EEFSEC: variants seen among roughly 807,000 people sequenced by gnomAD.
The protein encoded by EEFSEC is selenocysteine-specific elongation factor.
A neutral mutation model predicts 42.1 loss-of-function variants in EEFSEC; 43 were observed. The observed-to-expected ratio is 1.02, with a 90% CI of 0.80 to 1.32. The LOEUF (loss-of-function observed/expected upper bound fraction) is 1.32. Among genes scored for constraint, EEFSEC ranks in the 40% most tolerant of loss-of-function variants. EEFSEC has a pLI of 0.00. For synonymous variants in EEFSEC, 354 were observed against 339.1 expected, an observed-to-expected ratio of 1.04 and a Z score of -0.48; for missense variants, 745 against 803.6, an observed-to-expected ratio of 0.93 and a Z score of 0.88.
chr3:128,214,777 G>T (rs950692650), intron 1 of EEFSEC, among the ~76,000 whole-genome samples: 1 of 152,170 alleles, frequency 6.6e-6, no homozygotes, highest in African/African-American at 2.4e-5. Context: ...TTTCCCGGAG[G>T]GAAACTGGAA....
rs115374456 is a variant in EEFSEC, at chr3:128,318,331, G to A, written c.787-22902G>A. Among the ~76,000 whole-genome samples the A allele has an allele frequency of 4.5e-3, 693 of 152,322 alleles. 4 individuals are homozygous for A. The highest frequency in any genetic ancestry group is 0.015 in the African/African-American group (607 of 41,572). On this transcript the variant is annotated intron_variant, in intron 4 of 6. Transcript: ENST00000254730. ...TGTTCCAGCTGGTTTTTTAACTGAGGTGGACTGAGTGACTGTTTTCCATCT... is the reference window on the plus strand; with the variant it reads ...TGTTCCAGCTGGTTTTTTAACTGAGATGGACTGAGTGACTGTTTTCCATCT...
intron 1 of EEFSEC, among the ~76,000 whole-genome samples, chr3:128,176,981 G>GATTATTATTATTATTATTATT (rs71615969): frequency 5.5e-5 from 8 of 146,546 alleles, no homozygotes; most frequent in African/African-American, 2.0e-4. Flanking sequence ...GAACATACTG[G>GATTATTATTATTATTATTATT]ATTATTATTA....
At chr3:128,344,645 G>C (rs2067291559) in intron 5 of EEFSEC, among the ~76,000 whole-genome samples, 1 of 152,220 alleles carries the variant, frequency 6.6e-6, no homozygotes, top group Non-Finnish European at 1.5e-5. Flanking sequence ...TGTCAAAAGA[G>C]TCTGCGTTCT....
intron 1 of EEFSEC, among the ~76,000 whole-genome samples, chr3:128,234,487 A>G (rs2065988580): frequency 6.6e-6 from 1 of 152,160 alleles, no homozygotes. Flanking sequence ...ATACGACAGC[A>G]TGGTTTGGGT....
chr3:128,201,306 G>A (rs2107817559), intron 1 of EEFSEC, among the ~76,000 whole-genome samples: 1 of 152,008 alleles, frequency 6.6e-6, no homozygotes, highest in South Asian at 2.1e-4. Context: ...ACTAGGTAAT[G>A]AGTACACATA....
At chr3:128,163,474 A>T (rs749089260) in intron 1 of EEFSEC, among the ~76,000 whole-genome samples, 2 of 152,136 alleles carry the variant, frequency 1.3e-5, no homozygotes, top group East Asian at 3.9e-4. Flanking sequence ...TAATAATTTT[A>T]AAAACATTTT....
At chr3:128,162,454 TG>T (rs1386483383) in intron 1 of EEFSEC, among the ~76,000 whole-genome samples, 2 of 152,222 alleles carry the variant, frequency 1.3e-5, no homozygotes, top group African/African-American at 4.8e-5. Context: ...TGACCCCACC[TG>T]ATCTCCCCAT....
At chr3:128,195,669 A>G (rs2811510) in intron 1 of EEFSEC, among the ~76,000 whole-genome samples, 20,305 of 152,196 alleles carry the variant, frequency 0.13, 1,558 homozygotes, top group Admixed American at 0.2. Context: ...TAGTTATTGC[A>G]TAAGTGTTTC....
chr3:128,175,837 G>A (rs912265238), intron 1 of EEFSEC, among the ~76,000 whole-genome samples: 4 of 152,198 alleles, frequency 2.6e-5, no homozygotes, highest in African/African-American at 4.8e-5. Context: ...CCTGTCCTTC[G>A]GTTAGAGGTT....
chr3:128,420,556 G>A, the EEFSEC span, among the ~76,000 whole-genome samples: 2 of 152,210 alleles, frequency 1.3e-5, no homozygotes, highest in Admixed American at 1.3e-4. Context: ...GACTGAGAGA[G>A]GCCAGGCCCA....
intron 4 of EEFSEC, among the ~76,000 whole-genome samples, chr3:128,294,833 A>T (rs538687210): frequency 6.6e-6 from 1 of 152,320 alleles, no homozygotes; most frequent in East Asian, 1.9e-4. Flanking sequence ...GATATTTGAC[A>T]TTTTTGTTCG....
intron 6 of EEFSEC, among the ~76,000 whole-genome samples, chr3:128,378,372 G>T (rs1174530106): frequency 2.0e-5 from 3 of 152,110 alleles, no homozygotes; most frequent in Non-Finnish European, 4.4e-5. Context: ...AGTAGGGGAG[G>T]TTTCTCAGAG....
chr3:128,163,947 A>AAC (rs2065218909), intron 1 of EEFSEC, among the ~76,000 whole-genome samples: 1 of 112,946 alleles, frequency 8.9e-6, no homozygotes, highest in South Asian at 3.2e-4. Flanking sequence ...TGAAAAAAAA[A>AAC]AAAAACAAAA....
chr3:128,342,782 GGACA>G (rs1172648448), intron 5 of EEFSEC, among the ~76,000 whole-genome samples: 2 of 152,218 alleles, frequency 1.3e-5, no homozygotes, highest in African/African-American at 4.8e-5. Flanking sequence ...CCACTAGGGT[GGACA>G]GAACACGGTG....
intron 5 of EEFSEC, among the ~76,000 whole-genome samples, chr3:128,356,622 G>T (rs79789409): frequency 3.3e-5 from 5 of 152,190 alleles, no homozygotes; most frequent in Non-Finnish European, 2.9e-5. Context: ...TTGTAAACAG[G>T]TGATGCATTC....
Position 128,335,530 on chromosome 3 carries a change from T to G in EEFSEC, c.787-5703T>G, listed in dbSNP as rs553106080. Among the ~76,000 whole-genome samples, 4 of 152,014 alleles carry G rather than the reference T, an allele frequency of 2.6e-5. No homozygotes were observed. In the South Asian group the frequency reaches 8.3e-4, roughly 32 times the overall value. On this transcript the variant is annotated intron_variant, in intron 4 of 6. Coordinates refer to ENST00000254730, the MANE Select transcript of EEFSEC (RefSeq NM_021937.5). Reference sequence around the variant, plus strand: ...CACATGACTGAAGGGATGTGAACAGTGGGTCGGGGTCACAGCAAATAAAGT... The same window carrying G: ...CACATGACTGAAGGGATGTGAACAGGGGGTCGGGGTCACAGCAAATAAAGT...
At chr3:128,387,697 C>T (rs2067858512) in intron 6 of EEFSEC, among the ~76,000 whole-genome samples, 1 of 152,026 alleles carries the variant, frequency 6.6e-6, no homozygotes, top group Non-Finnish European at 1.5e-5. Flanking sequence ...CTGGGCTGGC[C>T]CCTGTGGCAC....
At chr3:128,424,952 G>A in the EEFSEC span, among the ~76,000 whole-genome samples, 1 of 152,050 alleles carries the variant, frequency 6.6e-6, no homozygotes, top group Non-Finnish European at 1.5e-5. Flanking sequence ...AGGCAGTGGC[G>A]GGGTGGTCAG....
chr3:128,423,777 C>T, the EEFSEC span, among the ~76,000 whole-genome samples: 1 of 152,206 alleles, frequency 6.6e-6, no homozygotes, highest in African/African-American at 2.4e-5. Flanking sequence ...TGTAAACATA[C>T]AGAAGTTTGG....
Sources: allele counts gnomAD v4.1 joint callset (sites outside exome capture counted in the v4.1 genomes callset), GRCh38; gene constraint gnomAD v4.1.1; transcripts MANE v1.5; gene names NCBI Gene and HGNC (gene_info 2026-07-23, HGNC 2026-07-21).